Variants in PCDHGB6 observed in about 807,000 individuals in gnomAD.
PCDHGB6 encodes the protein protocadherin gamma-B6.
In PCDHGB6, 51 loss-of-function variants were observed where a neutral mutation model predicts 59.1. The ratio of observed to expected loss-of-function variants is 0.86; its 90% confidence interval spans 0.69 to 1.09. The LOEUF (loss-of-function observed/expected upper bound fraction) is 1.09. PCDHGB6 is among the 50% of genes least tolerant of loss of function. PCDHGB6 has a pLI of 0.00. For missense variants in PCDHGB6, 1,148 were observed against 1,205.1 expected (o/e 0.95, Z 0.70); for synonymous variants, 466 against 495.1 (o/e 0.94, Z 0.78).
At chr5:141,418,403 G>T in intron 1 of PCDHGB6, 1 of 1,614,000 alleles carries the variant, frequency 6.2e-7, no homozygotes. Context: ...CTCATTGGTG[G>T]AGAAAGACAA....
chr5:141,491,110 C>T lies in PCDHGB6; in HGVS notation c.2419-3697C>T. On this transcript the variant is annotated intron_variant, in intron 1 of 3. Transcript: ENST00000520790. This position sits in a 1 kb window ranked among gnomAD's most constrained non-coding sequence, Gnocchi z 6.9. ...CCCAGGACTGTTCCTCGTGTCTACA[C>T]ACACTGGTGAGGTGCGCACAGCCCG... 3.7e-6 allele frequency: 6 copies of T among 1,614,212 alleles called. No individual in the cohort carries two copies. Among genetic ancestry groups the T allele is most frequent in the Non-Finnish European group, 5.1e-6 (6 of 1,180,024 alleles).
At position 141,409,609 on chromosome 5, in the gene PCDHGB6, C is replaced by T; in HGVS notation, c.1407C>T (p.Ala469=). Residue 469 remains alanine, a synonymous_variant, in exon 1 of 4, where the codon GCC becomes GCT. Transcript: ENST00000520790. The part of the protein sequence containing the change: ...VHVAENNPPG[A]SIAQVSASDP... ...TGGCCGAGAACAACCCGCCAGGAGCCTCCATTGCGCAAGTGAGCGCCTCTG... is the reference window on the plus strand; with the variant it reads ...TGGCCGAGAACAACCCGCCAGGAGCTTCCATTGCGCAAGTGAGCGCCTCTG... 1.2e-6 allele frequency: 2 copies of T among 1,613,938 alleles called. No homozygotes were observed. Among genetic ancestry groups the T allele is most frequent in the Non-Finnish European group, 1.7e-6 (2 of 1,179,906 alleles).
rs1245526846 is a variant in PCDHGB6, at chr5:141,512,505, C to T, written c.*1332C>T. ...GCCACTGCCCAGGTCCCCAGTGCGCCCCCTAGTGGCCATAGCCTGGTTAAA... is the reference window on the plus strand; with the variant it reads ...GCCACTGCCCAGGTCCCCAGTGCGCTCCCTAGTGGCCATAGCCTGGTTAAA... On this transcript the variant is annotated 3_prime_UTR_variant, in exon 4 of 4. Transcript: ENST00000520790. The T allele has an allele frequency of 1.3e-5, 2 of 152,888 alleles. No individual in the cohort carries two copies. The highest frequency in any genetic ancestry group is 4.8e-5 in the African/African-American group (2 of 41,466). 9.5% of individuals were successfully genotyped at this position (152,888 alleles called of 1,614,324 possible). A position where few individuals can be genotyped will look rare whatever the true frequency, so the allele number is the denominator to read the frequency against.
intron 1 of PCDHGB6, among the ~76,000 whole-genome samples, chr5:141,472,590 C>G (rs1161871973): frequency 6.6e-6 from 1 of 151,908 alleles, no homozygotes; most frequent in African/African-American, 2.4e-5. Flanking sequence ...GTCAGAAGCT[C>G]TCTTGAAATT....
At chr5:141,416,274 A>G (rs2096010347) in intron 1 of PCDHGB6, 2 of 152,404 alleles carry the variant, frequency 1.3e-5, no homozygotes, top group Non-Finnish European at 1.5e-5. Flanking sequence ...CTTTTTGCAT[A>G]CAATTCTCTA....
intron 1 of PCDHGB6, chr5:141,484,976 G>T: frequency 1.7e-6 from 1 of 592,920 alleles, no homozygotes; most frequent in South Asian, 2.1e-5. Flanking sequence ...GCCGCTGTCT[G>T]CCAATCGGGT....
rs532830928 is a variant in PCDHGB6 at position 141,473,487 on chromosome 5, A to G, written c.2419-21320A>G. Reference sequence around the variant, plus strand: ...TTGTGCCAAGTTCAATGGAAAAAATATAAGGTGTTCTGAGAGAGCATAACA... The same window carrying G: ...TTGTGCCAAGTTCAATGGAAAAAATGTAAGGTGTTCTGAGAGAGCATAACA... On this transcript the variant is annotated intron_variant, in intron 1 of 3. Coordinates refer to ENST00000520790, the MANE Select transcript of PCDHGB6 (RefSeq NM_018926.3). 2.0e-3 allele frequency among the ~76,000 whole-genome samples: 310 copies of G among 152,242 alleles called. 5 individuals carry two copies. The South Asian group carries it at 0.052, about 25-fold the overall frequency.
intron 1 of PCDHGB6, among the ~76,000 whole-genome samples, chr5:141,444,732 A>G (rs2098445644): frequency 6.6e-6 from 1 of 152,194 alleles, no homozygotes; most frequent in Admixed American, 6.6e-5. Context: ...CTTTGTTGAA[A>G]GTCATTTCAC....
Position 141,477,665 on chromosome 5 carries a change from G to T in PCDHGB6, c.2419-17142G>T, listed in dbSNP as rs753814499. ...CTATTTCACAATAAATCGTGACAAT[G>T]GCATAGTGTCATCCTTAGTGCCCCT... is the stretch of plus-strand genomic sequence containing the variant. On this transcript the variant is annotated intron_variant, in intron 1 of 3. Coordinates refer to ENST00000520790, the MANE Select transcript of PCDHGB6 (RefSeq NM_018926.3). The surrounding 1 kb of genome is among the most constrained non-coding windows in gnomAD (Gnocchi z 4.9). 6.2e-7 allele frequency: 1 copy of T among 1,614,182 alleles called. No individual in the cohort carries two copies. The highest frequency in any genetic ancestry group is 8.5e-7 in the Non-Finnish European group (1 of 1,180,038).
chr5:141,408,627 T>A lies in PCDHGB6; in HGVS notation c.425T>A (p.Ile142Asn). The change falls in exon 1 of 4, where the codon ATT becomes AAT. Residue 142 changes from isoleucine (I) to asparagine (N), a missense_variant. Coordinates refer to ENST00000520790, the MANE Select transcript of PCDHGB6 (RefSeq NM_018926.3). ...GATAAAAAGGAAATACATTTAGAAA[T>A]TTTCGAATCTGCATCCGCTGGTACA... ...QFDKKEIHLE[I>N]FESASAGTRL... The A allele has an allele frequency of 6.2e-7, 1 of 1,613,916 alleles. No individual in the cohort carries two copies. Among genetic ancestry groups the A allele is most frequent in the Admixed American group, 1.7e-5 (1 of 60,008 alleles).
chr5:141,489,427 C>G lies in PCDHGB6; in HGVS notation c.2419-5380C>G, dbSNP rs370540900. ...AAAGATGACAGATCTGTTGAGCCGG[C>G]GGCTGCAATTGGGCTCTGAGGAGAA... On this transcript the variant is annotated intron_variant, in intron 1 of 3. Transcript: ENST00000520790. The surrounding 1 kb of genome is among the most constrained non-coding windows in gnomAD (Gnocchi z 4.5). 6.2e-7 allele frequency: 1 copy of G among 1,614,108 alleles called. No homozygotes were observed. Among genetic ancestry groups the G allele is most frequent in the South Asian group, 1.1e-5 (1 of 91,086 alleles).
At chr5:141,455,058 C>G (rs1350223657) in intron 1 of PCDHGB6, among the ~76,000 whole-genome samples, 9 of 151,814 alleles carry the variant, frequency 5.9e-5, no homozygotes, top group Admixed American at 5.9e-4. Context: ...GTGATCCGCC[C>G]GCCTCGGCCT....
Position 141,477,140 on chromosome 5 carries a change from G to GT in PCDHGB6, c.2419-17665dup. ...AGCACATTGCAAAGTGTTGGTGGAG[G>GT]TTGTGGATGTGAATGACAACGCCCC... On this transcript the variant is annotated intron_variant, in intron 1 of 3. Transcript: ENST00000520790. The surrounding 1 kb of genome is among the most constrained non-coding windows in gnomAD (Gnocchi z 4.9). 1 of 1,614,220 alleles carries GT rather than the reference G, an allele frequency of 6.2e-7. No homozygotes were observed. Among genetic ancestry groups the GT allele is most frequent in the Non-Finnish European group, 8.5e-7 (1 of 1,180,048 alleles).
Position 141,409,175 on chromosome 5 carries a change from G to A in PCDHGB6, c.973G>A (p.Gly325Ser). 8 of 1,614,008 alleles carry A rather than the reference G, an allele frequency of 5.0e-6. No individual in the cohort carries two copies. Among genetic ancestry groups the A allele is most frequent in the Non-Finnish European group, 6.8e-6 (8 of 1,179,886 alleles). ...YTMEVEAKDG[G>S]GLSTQCKVII... ...CATGGAAGTGGAAGCGAAGGACGGA[G>A]GTGGTCTCTCTACCCAGTGTAAAGT... is the stretch of plus-strand genomic sequence containing the variant. The change falls in exon 1 of 4, where the codon GGT becomes AGT. Residue 325 changes from glycine (G) to serine (S), a missense_variant. Around this residue, in one of 5 missense-constraint regions of PCDHGB6, gnomAD observed 549 missense variants for 527.5 expected, o/e 1.04. Coordinates refer to ENST00000520790, the MANE Select transcript of PCDHGB6 (RefSeq NM_018926.3).
At chr5:141,478,884 C>A in intron 1 of PCDHGB6, 1 of 1,194,298 alleles carries the variant, frequency 8.4e-7, no homozygotes, top group Non-Finnish European at 1.1e-6. Flanking sequence ...AGCTTGGTAT[C>A]ATTTACATTA....
At chr5:141,421,841 AAG>A in intron 1 of PCDHGB6, 1 of 1,613,750 alleles carries the variant, frequency 6.2e-7, no homozygotes. Context: ...GACCGAGAGA[AAG>A]AGGCTGCTCA....
chr5:141,431,036 G>A lies in PCDHGB6; in HGVS notation c.2418+20416G>A. The A allele has an allele frequency of 6.2e-7, 1 of 1,614,204 alleles. No individual in the cohort carries two copies. Among genetic ancestry groups the A allele is most frequent in the Non-Finnish European group, 8.5e-7 (1 of 1,180,034 alleles). ...GGTCACGGCGGGCAGGATAGACCGG[G>A]AGGAGCTCTGTATGGGGGCCATCAA... On this transcript the variant is annotated intron_variant, in intron 1 of 3. Coordinates refer to ENST00000520790, the MANE Select transcript of PCDHGB6 (RefSeq NM_018926.3). This position sits in a 1 kb window ranked among gnomAD's most constrained non-coding sequence, Gnocchi z 4.8.
chr5:141,421,885 G>T, intron 1 of PCDHGB6: 1 of 1,613,692 alleles, frequency 6.2e-7, no homozygotes, highest in Non-Finnish European at 8.5e-7. Context: ...AGATGGAGGC[G>T]ATCCCATCCG....
In PCDHGB6 at chr5:141,432,645, C is replaced by T. The variant is rs758701539; in HGVS notation, c.2418+22025C>T. On this transcript the variant is annotated intron_variant, in intron 1 of 3. Coordinates refer to ENST00000520790, the MANE Select transcript of PCDHGB6 (RefSeq NM_018926.3). The surrounding 1 kb of genome is among the most constrained non-coding windows in gnomAD (Gnocchi z 6.0). Reference sequence around the variant, plus strand: ...CTGCACACGGGCGAGGTGCGCACGGCGCGAGCCCTGCTGGACAGAGACGCG... The same window carrying T: ...CTGCACACGGGCGAGGTGCGCACGGTGCGAGCCCTGCTGGACAGAGACGCG... 1 of 1,613,746 alleles carries T rather than the reference C, an allele frequency of 6.2e-7. No homozygotes were observed. Among genetic ancestry groups the T allele is most frequent in the Admixed American group, 1.7e-5 (1 of 60,006 alleles).
Sources: allele counts gnomAD v4.1 joint callset (sites outside exome capture counted in the v4.1 genomes callset), GRCh38; gene constraint gnomAD v4.1.1; regional missense constraint gnomAD v4.1.1; non-coding constraint Gnocchi (gnomAD v3.1); transcripts MANE v1.5; gene names NCBI Gene and HGNC (gene_info 2026-07-23, HGNC 2026-07-21).